SH3BGR: variants seen among roughly 807,000 people sequenced by gnomAD.
SH3BGR encodes SH3 domain binding glutamate rich protein.
Under a neutral mutation model 24.5 loss-of-function variants are expected in SH3BGR, and 29 were observed. That is an observed-to-expected ratio of 1.18 (90% confidence interval 0.88 to 1.61). The LOEUF (loss-of-function observed/expected upper bound fraction) is 1.61, where lower values mean the gene tolerates loss of function less well. SH3BGR is among the 40% of genes most tolerant of loss of function. SH3BGR has a pLI of 0.00. For missense variants in SH3BGR, 162 were observed against 205.8 expected (o/e 0.79, Z 1.30); for synonymous variants, 55 against 65.7 (o/e 0.84, Z 0.79).
At chr21:39,480,993 T>G (rs2078121240) in intron 3 of SH3BGR, among the ~76,000 whole-genome samples, 3 of 152,256 alleles carry the variant, frequency 2.0e-5, no homozygotes, top group Admixed American at 6.5e-5. Context: ...CCTTTCCCCA[T>G]TCCTGATTCT....
At chr21:39,509,096 T>C in intron 5 of SH3BGR, 69 bp downstream of exon 5, 1 of 1,326,486 alleles carries the variant, frequency 7.5e-7, no homozygotes, top group Non-Finnish European at 1.1e-6. Context: ...GTGGGAGGAT[T>C]GCAGCTTGAG....
intron 3 of SH3BGR, among the ~76,000 whole-genome samples, chr21:39,489,733 A>G (rs972836483): frequency 2.0e-5 from 3 of 152,260 alleles, no homozygotes; most frequent in African/African-American, 7.2e-5. Flanking sequence ...GGTTTTTGCC[A>G]TTAAAAATAG....
At chr21:39,514,196 G>C (rs1359700415) in intron 6 of SH3BGR, among the ~76,000 whole-genome samples, 1 of 152,094 alleles carries the variant, frequency 6.6e-6, no homozygotes, top group Non-Finnish European at 1.5e-5. Context: ...CAGGTATTCT[G>C]CAAACTATTT....
chr21:39,496,409 A>T (rs2123484819), intron 3 of SH3BGR, among the ~76,000 whole-genome samples: 1 of 151,106 alleles, frequency 6.6e-6, no homozygotes, highest in South Asian at 2.1e-4. Context: ...CTGAGGCAGG[A>T]GAATGGCGTG....
chr21:39,465,715 T>A (rs1356435760), intron 2 of SH3BGR, among the ~76,000 whole-genome samples: 1 of 152,092 alleles, frequency 6.6e-6, no homozygotes, highest in Non-Finnish European at 1.5e-5. Context: ...GTCAGACTCC[T>A]CAGTAGCTGG....
chr21:39,472,609 T>C (rs1354680882), intron 2 of SH3BGR, among the ~76,000 whole-genome samples: 1 of 152,204 alleles, frequency 6.6e-6, no homozygotes, highest in Non-Finnish European at 1.5e-5. Context: ...ACACATGGCA[T>C]GGGAATTTGA....
chr21:39,458,891 C>T (rs985048746), intron 1 of SH3BGR, among the ~76,000 whole-genome samples: 1 of 152,238 alleles, frequency 6.6e-6, no homozygotes, highest in Admixed American at 6.5e-5. Flanking sequence ...AGATGATCTG[C>T]CTGCCTCAGC....
intron 3 of SH3BGR, among the ~76,000 whole-genome samples, chr21:39,487,387 C>T (rs1364611912): frequency 6.6e-6 from 1 of 152,182 alleles, no homozygotes; most frequent in Non-Finnish European, 1.5e-5. Flanking sequence ...AAGTGATCCT[C>T]CCACCCCAGC....
intron 3 of SH3BGR, among the ~76,000 whole-genome samples, chr21:39,475,533 T>A (rs1254638752): frequency 6.6e-6 from 1 of 152,244 alleles, no homozygotes; most frequent in African/African-American, 2.4e-5. Flanking sequence ...GCTCCTAGGT[T>A]GTGTTTATAC....
chr21:39,476,208 G>T, intron 3 of SH3BGR, among the ~76,000 whole-genome samples: 1 of 152,142 alleles, frequency 6.6e-6, no homozygotes, highest in East Asian at 1.9e-4. Flanking sequence ...GGCAGGAGGA[G>T]ACCAGGAGCG....
intron 2 of SH3BGR, among the ~76,000 whole-genome samples, chr21:39,468,387 G>A (rs11701530): frequency 2.4e-3 from 373 of 152,344 alleles, no homozygotes; most frequent in Admixed American, 6.4e-3. Context: ...TACCAGAAAT[G>A]TGGAAGCCCT....
At chr21:39,492,488 ACACACACACAC>A (rs2078321418) in intron 3 of SH3BGR, among the ~76,000 whole-genome samples, 1 of 149,172 alleles carries the variant, frequency 6.7e-6, no homozygotes, top group South Asian at 2.1e-4. Flanking sequence ...ATATACACAC[ACACACACACAC>A]CACATTTTCT....
intron 4 of SH3BGR, among the ~76,000 whole-genome samples, chr21:39,507,732 A>C (rs979836178): frequency 6.6e-6 from 1 of 152,120 alleles, no homozygotes; most frequent in African/African-American, 2.4e-5. Flanking sequence ...AGCAGCCTCA[A>C]ACTCCTGGGC....
intron 2 of SH3BGR, among the ~76,000 whole-genome samples, chr21:39,468,181 A>G (rs1199893439): frequency 1.3e-5 from 2 of 152,220 alleles, no homozygotes; most frequent in Non-Finnish European, 2.9e-5. Context: ...GGCTGTAAGG[A>G]AACACAGGAT....
chr21:39,456,129 C>T (rs1201006820), intron 1 of SH3BGR, among the ~76,000 whole-genome samples: 1 of 152,090 alleles, frequency 6.6e-6, no homozygotes, highest in Non-Finnish European at 1.5e-5. Context: ...TTTCCCATCC[C>T]ACATCAAGCC....
At chr21:39,498,826 A>G (rs533435796) in intron 3 of SH3BGR, among the ~76,000 whole-genome samples, 58 of 152,256 alleles carry the variant, frequency 3.8e-4, no homozygotes, top group African/African-American at 1.4e-3. Context: ...TCAATCATCT[A>G]TCATCTGTAT....
chr21:39,502,430 G>C (rs1432840050), intron 4 of SH3BGR, among the ~76,000 whole-genome samples: 1 of 152,166 alleles, frequency 6.6e-6, no homozygotes. Context: ...TGCTCCTCTT[G>C]GCTTGCTGTG....
intron 6 of SH3BGR, among the ~76,000 whole-genome samples, chr21:39,513,232 A>C (rs7281794): frequency 0.086 from 13,059 of 152,218 alleles, 818 homozygotes; most frequent in African/African-American, 0.17. Context: ...AAAGATACCT[A>C]AAGTGACTTC....
chr21:39,507,812 C>T lies in SH3BGR; in HGVS notation c.406-1186C>T, dbSNP rs115395101. Reference sequence around the variant, plus strand: ...TTAACATGTTTCATAGAGATGGGGGCGTCTTGCTATGTTGCCCAGGCTGGT... The same window carrying T: ...TTAACATGTTTCATAGAGATGGGGGTGTCTTGCTATGTTGCCCAGGCTGGT... On this transcript the variant is annotated intron_variant, in intron 4 of 6. Coordinates refer to ENST00000333634, the MANE Select transcript of SH3BGR (RefSeq NM_007341.3). 3.0e-3 allele frequency among the ~76,000 whole-genome samples: 461 copies of T among 151,906 alleles called. 1 individual carries two copies. The highest frequency in any genetic ancestry group is 0.01 in the African/African-American group (431 of 41,408).
Sources: gnomAD v4.1 joint callset for allele counts (sites outside exome capture counted in the v4.1 genomes callset) on GRCh38, gnomAD v4.1.1 for gene constraint, MANE v1.5 for transcripts, NCBI Gene and HGNC (gene_info 2026-07-23, HGNC 2026-07-21) for gene names.